The following ERC2 variants were observed in gnomAD, a reference collection of about 807,000 sequenced individuals.
ERC2 encodes ERC protein 2.
In ERC2, 42 loss-of-function variants were observed where a neutral mutation model predicts 114.8. The observed-to-expected ratio is 0.37, with a 90% CI of 0.29 to 0.47. The LOEUF (loss-of-function observed/expected upper bound fraction) is 0.47. ERC2 is among the 20% of genes least tolerant of loss of function. The pLI, the probability that ERC2 is intolerant of heterozygous loss-of-function variation, is 0.99. For missense variants in ERC2, 939 were observed against 1,150.7 expected, an observed-to-expected ratio of 0.82 and a Z score of 2.66; for synonymous variants, 454 against 425.5, an observed-to-expected ratio of 1.07 and a Z score of -0.82.
intron 3 of ERC2, among the ~76,000 whole-genome samples, chr3:56,238,062 G>C (rs2051078364): frequency 6.6e-6 from 1 of 152,164 alleles, no homozygotes; most frequent in African/African-American, 2.4e-5. Flanking sequence ...AGGGACTCTT[G>C]TCCTGGGCCA....
At chr3:55,693,970 A>G (rs760481397) in intron 16 of ERC2, among the ~76,000 whole-genome samples, 4 of 152,160 alleles carry the variant, frequency 2.6e-5, no homozygotes, top group African/African-American at 7.2e-5. Context: ...CAGCCTCCCA[A>G]TGTGTTGGGA....
intron 3 of ERC2, among the ~76,000 whole-genome samples, chr3:56,238,356 T>C (rs928135484): frequency 2.0e-5 from 3 of 152,218 alleles, no homozygotes; most frequent in Admixed American, 6.5e-5. Context: ...TCAGAGGATG[T>C]AATCTGAGAG....
chr3:56,132,291 T>G (rs1469028395), intron 6 of ERC2, among the ~76,000 whole-genome samples: 1 of 152,212 alleles, frequency 6.6e-6, no homozygotes, highest in African/African-American at 2.4e-5. Context: ...ATGTAAAATG[T>G]GTTCTTTTCT....
chr3:55,621,960 A>G (rs1013522058), intron 17 of ERC2, among the ~76,000 whole-genome samples: 6 of 152,230 alleles, frequency 3.9e-5, no homozygotes, highest in Non-Finnish European at 7.3e-5. Context: ...TTGTATTCAC[A>G]TGACATAAGC....
chr3:56,062,095 T>C (rs1032779172), intron 7 of ERC2, among the ~76,000 whole-genome samples: 4 of 152,224 alleles, frequency 2.6e-5, no homozygotes, highest in Non-Finnish European at 2.9e-5. Context: ...CTATTTTATA[T>C]AGATTCAAGA....
chr3:55,659,138 C>G (rs560143987), intron 17 of ERC2: 2 of 152,368 alleles, frequency 1.3e-5, no homozygotes, highest in African/African-American at 4.8e-5. Flanking sequence ...TCAGCATATT[C>G]AAAACAACCA....
At chr3:56,043,474 T>G (rs1026133382) in intron 7 of ERC2, among the ~76,000 whole-genome samples, 1 of 152,100 alleles carries the variant, frequency 6.6e-6, no homozygotes, top group Non-Finnish European at 1.5e-5. Flanking sequence ...ATTCAAATAG[T>G]GTCTGACATC....
chr3:55,882,467 T>C (rs1223543915), intron 14 of ERC2, among the ~76,000 whole-genome samples: 2 of 152,218 alleles, frequency 1.3e-5, no homozygotes, highest in Admixed American at 6.5e-5. Context: ...ATGTATACAA[T>C]TGGACTTCTG....
rs1559906638 is a variant in ERC2, at chr3:55,942,301, T to TTTTTTTTTTG, written c.2403+8123_2403+8124insCAAAAAAAAA. ...TTTTTTTTTTTTTTTTTTTTTTTTTTTTGTTGAGACGGAGTCTCGCTCTGT... is the reference window on the plus strand; with the variant it reads ...TTTTTTTTTTTTTTTTTTTTTTTTTTTTTTTTTTTGTTGTTGAGACGGAGTCTCGCTCTGT... On this transcript the variant is annotated intron_variant, in intron 13 of 17. Transcript: ENST00000288221. Among the ~76,000 whole-genome samples the TTTTTTTTTTG allele has an allele frequency of 7.4e-5, 9 of 120,844 alleles. 1 individual carries two copies. The highest frequency in any genetic ancestry group is 3.0e-4 in the African/African-American group (9 of 29,546). 79.3% of individuals were successfully genotyped at this position (120,844 alleles called of 152,430 possible).
Position 56,296,504 on chromosome 3 carries a change from G to A in ERC2, c.658-69C>T, listed in dbSNP as rs141220292. 1.5e-3 allele frequency: 2,115 copies of A among 1,457,768 alleles called. 16 individuals are homozygous for A. The African/African-American group carries it at 0.021, about 15-fold the overall frequency. The allele number at this position is 1,457,768 out of a possible 1,614,324, so 90.3% of individuals were successfully genotyped here. ...AAAGTCAATGAAAATGTCAAGTGCCGCTTGCTGCCACCACACTATGAAGAT... is the reference window on the plus strand; with the variant it reads ...AAAGTCAATGAAAATGTCAAGTGCCACTTGCTGCCACCACACTATGAAGAT... On this transcript the variant is annotated intron_variant, in intron 2 of 17. Transcript: ENST00000288221.
intron 3 of ERC2, among the ~76,000 whole-genome samples, chr3:56,258,840 A>G (rs1283863416): frequency 1.3e-5 from 2 of 152,202 alleles, no homozygotes; most frequent in African/African-American, 4.8e-5. Flanking sequence ...ACTTTGTACA[A>G]CTTAAACTTT....
At chr3:56,331,651 G>GGAA (rs56709548) in intron 2 of ERC2, among the ~76,000 whole-genome samples, 46,796 of 151,908 alleles carry the variant, frequency 0.31, 7,328 homozygotes, top group Admixed American at 0.34. Context: ...TTGATCTGAT[G>GGAA]GAAGAAGTAC....
At chr3:55,846,693 T>TC (rs1553702627) in intron 14 of ERC2, among the ~76,000 whole-genome samples, 2 of 142,820 alleles carry the variant, frequency 1.4e-5, no homozygotes, top group Non-Finnish European at 3.0e-5. Flanking sequence ...CTCTCTCTCT[T>TC]TCTCTCTCTC....
At chr3:56,048,994 G>C (rs944665958) in intron 7 of ERC2, among the ~76,000 whole-genome samples, 5 of 152,164 alleles carry the variant, frequency 3.3e-5, no homozygotes, top group African/African-American at 1.2e-4. Flanking sequence ...CCAAGAACCT[G>C]CTGGGGAGAA....
chr3:56,362,658 T>C (rs1042308142), intron 2 of ERC2, among the ~76,000 whole-genome samples: 16 of 152,220 alleles, frequency 1.1e-4, no homozygotes, highest in African/African-American at 3.9e-4. Context: ...CCTCAAATTA[T>C]CTTGCCTCTT....
chr3:55,952,168 C>CTAT (rs1218868491), intron 12 of ERC2, among the ~76,000 whole-genome samples: 2 of 70,382 alleles, frequency 2.8e-5, no homozygotes, highest in East Asian at 3.5e-4. Flanking sequence ...CACACACACA[C>CTAT]ACACACACAC....
At chr3:55,845,900 A>G (rs936068588) in intron 14 of ERC2, among the ~76,000 whole-genome samples, 2 of 152,238 alleles carry the variant, frequency 1.3e-5, no homozygotes, top group African/African-American at 4.8e-5. Flanking sequence ...ATATTAGCAA[A>G]CACCACTGGG....
intron 14 of ERC2, among the ~76,000 whole-genome samples, chr3:55,834,583 C>G (rs1218077177): frequency 6.6e-6 from 1 of 151,360 alleles, no homozygotes; most frequent in Non-Finnish European, 1.5e-5. Flanking sequence ...ACACAACATA[C>G]AAGAATCTCT....
intron 17 of ERC2, among the ~76,000 whole-genome samples, chr3:55,617,977 G>GA (rs1382747911): frequency 6.6e-6 from 1 of 151,728 alleles, no homozygotes; most frequent in Non-Finnish European, 1.5e-5. Context: ...AACCCATTCT[G>GA]AAACCTCTAA....
Sources: gnomAD v4.1 joint callset for allele counts (sites outside exome capture counted in the v4.1 genomes callset) on GRCh38, gnomAD v4.1.1 for gene constraint, MANE v1.5 for transcripts, NCBI Gene and HGNC (gene_info 2026-07-23, HGNC 2026-07-21) for gene names.